ZBTB7A: variants seen among roughly 807,000 people sequenced by gnomAD.
The protein encoded by ZBTB7A is zinc finger and BTB domain containing 7A.
A neutral mutation model predicts 26.7 loss-of-function variants in ZBTB7A; 7 were observed. The ratio of observed to expected loss-of-function variants is 0.26; its 90% CI spans 0.15 to 0.49. The LOEUF is 0.49. Among genes scored for constraint, ZBTB7A ranks in the 20% least tolerant of loss-of-function variants. The pLI is 0.98. For missense variants in ZBTB7A, 617 were observed against 919.5 expected (o/e 0.67, Z 4.25); for synonymous variants, 452 against 441.0 (o/e 1.02, Z -0.31).
intron 1 of ZBTB7A, among the ~76,000 whole-genome samples, chr19:4,057,288 C>T (rs1022561572): frequency 4.7e-5 from 7 of 149,408 alleles, no homozygotes; most frequent in Non-Finnish European, 7.4e-5. Context: ...GCGGGGGTTG[C>T]GGTGAGATTG....
chr19:4,053,649 G>A (rs1169271875), intron 2 of ZBTB7A, among the ~76,000 whole-genome samples: 6 of 151,440 alleles, frequency 4.0e-5, no homozygotes, highest in East Asian at 1.9e-4. Context: ...GCATGTGTCT[G>A]TGTAGCATGT....
intron 1 of ZBTB7A, among the ~76,000 whole-genome samples, chr19:4,056,011 T>C (rs1361675956): frequency 6.6e-6 from 1 of 152,032 alleles, no homozygotes; most frequent in African/African-American, 2.4e-5. Context: ...TGCAGTCAAA[T>C]GTCCTATCCT....
intron 1 of ZBTB7A, among the ~76,000 whole-genome samples, chr19:4,064,195 C>T (rs1036556544): frequency 6.6e-6 from 1 of 152,248 alleles, no homozygotes; most frequent in Non-Finnish European, 1.5e-5. Flanking sequence ...CAGGTGCTGA[C>T]TGGCCGCCAC....
chr19:4,055,332 G>T, intron 1 of ZBTB7A, 85 bp from the exon 2 acceptor site: 1 of 1,418,274 alleles, frequency 7.1e-7, no homozygotes, highest in Non-Finnish European at 9.2e-7. Flanking sequence ...AGGCCCTTGA[G>T]AAGCAGCGTT....
rs1599242735 is a variant in ZBTB7A, at chr19:4,044,625, C to T, written c.*3127G>A. 1 of 150,634 alleles carries T rather than the reference C, an allele frequency of 6.6e-6. No homozygotes were observed. The allele number at this position is 150,634 out of a possible 1,614,324, so 9.3% of individuals were successfully genotyped here. ...TTGCACACACGCACACACGCGTCCA[C>T]GCAACTTCACCATGAGAATGGAAAT... On this transcript the variant is annotated 3_prime_UTR_variant, in exon 3 of 3. Transcript: ENST00000322357.
chr19:4,047,694 T>A lies in ZBTB7A; in HGVS notation c.*58A>T. 1 of 1,542,580 alleles carries A rather than the reference T, an allele frequency of 6.5e-7. No individual in the cohort carries two copies. Among genetic ancestry groups the A allele is most frequent in the South Asian group, 1.2e-5 (1 of 80,956 alleles). Reference sequence around the variant, plus strand: ...TGTTTTTGGGGGGGTGGTGGGTGATTTTTTTTCTCTCTCTCTGTCTCTCTC... The same window carrying A: ...TGTTTTTGGGGGGGTGGTGGGTGATATTTTTTCTCTCTCTCTGTCTCTCTC... On this transcript the variant is annotated 3_prime_UTR_variant, in exon 3 of 3. Coordinates refer to ENST00000322357, the MANE Select transcript of ZBTB7A (RefSeq NM_015898.4).
At chr19:4,057,481 C>A (rs1247132630) in intron 1 of ZBTB7A, among the ~76,000 whole-genome samples, 1 of 152,152 alleles carries the variant, frequency 6.6e-6, no homozygotes, top group Non-Finnish European at 1.5e-5. Context: ...GGAGGCCACG[C>A]AGTGACCTTT....
At chr19:4,060,774 C>T (rs1364703566) in intron 1 of ZBTB7A, among the ~76,000 whole-genome samples, 5 of 152,218 alleles carry the variant, frequency 3.3e-5, no homozygotes, top group South Asian at 2.1e-4. Context: ...CAAGGTCACA[C>T]GACAAGGTGA....
chr19:4,065,650 G>A (rs938187400), intron 1 of ZBTB7A: 3 of 140,998 alleles, frequency 2.1e-5, no homozygotes, highest in Non-Finnish European at 4.7e-5. Flanking sequence ...GCCCGGGCCC[G>A]GCCTGCGCTA....
intron 1 of ZBTB7A, among the ~76,000 whole-genome samples, chr19:4,066,378 C>T (rs1444350842): frequency 6.6e-6 from 1 of 150,698 alleles, no homozygotes; most frequent in Non-Finnish European, 1.5e-5. Flanking sequence ...GCTTCCCCTC[C>T]CCCGCTCCCC....
chr19:4,060,376 C>T (rs901117370), intron 1 of ZBTB7A, among the ~76,000 whole-genome samples: 1 of 152,228 alleles, frequency 6.6e-6, no homozygotes, highest in Admixed American at 6.5e-5. Context: ...GGGTCACTTG[C>T]TGTAGTGTTT....
intron 2 of ZBTB7A, among the ~76,000 whole-genome samples, chr19:4,053,506 TGC>T (rs2040527448): frequency 2.8e-5 from 1 of 35,206 alleles, no homozygotes; most frequent in Admixed American, 4.0e-4. Flanking sequence ...TGCCTGGGTG[TGC>T]GTGTGTGCGT....
intron 1 of ZBTB7A, among the ~76,000 whole-genome samples, chr19:4,058,723 G>A (rs531248491): frequency 8.5e-4 from 130 of 152,192 alleles, no homozygotes; most frequent in Non-Finnish European, 1.5e-3. Context: ...CTCTGACGCC[G>A]ACGGGCTTGA....
chr19:4,046,001 C>T lies in ZBTB7A; in HGVS notation c.*1751G>A. ...CATCCAAGGTCCAGCTCCTTGGTGG[C>T]CATGCGGGAGGGACAGGCGTGTTGG... On this transcript the variant is annotated 3_prime_UTR_variant, in exon 3 of 3. Coordinates refer to ENST00000322357, the MANE Select transcript of ZBTB7A (RefSeq NM_015898.4). 2.5e-6 allele frequency: 1 copy of T among 398,910 alleles called. No individual in the cohort carries two copies. Among genetic ancestry groups the T allele is most frequent in the Non-Finnish European group, 4.4e-6 (1 of 226,052 alleles). The allele number at this position is 398,910 out of a possible 1,614,324, so 24.7% of individuals were successfully genotyped here.
In ZBTB7A at chr19:4,046,926, G is replaced by A. The variant is rs1053437678; in HGVS notation, c.*826C>T. 4 of 151,608 alleles carry A rather than the reference G, an allele frequency of 2.6e-5. No individual in the cohort carries two copies. Among genetic ancestry groups the A allele is most frequent in the African/African-American group, 9.7e-5 (4 of 41,288 alleles). The allele number at this position is 151,608 out of a possible 1,614,324, so 9.4% of individuals were successfully genotyped here. A position where few individuals can be genotyped will look rare whatever the true frequency, so the allele number is the denominator to read the frequency against. On this transcript the variant is annotated 3_prime_UTR_variant, in exon 3 of 3. Coordinates refer to ENST00000322357, the MANE Select transcript of ZBTB7A (RefSeq NM_015898.4). ...AAACGTGGGGGTCTAGGTGGACCGG[G>A]CGGGGGTGGGGGGGCGCCCTGAGGG...
rs1250839078 is a variant in ZBTB7A, at chr19:4,047,174, A to C, written c.*578T>G. 3 of 152,056 alleles carry C rather than the reference A, an allele frequency of 2.0e-5. No individual in the cohort carries two copies. The highest frequency in any genetic ancestry group is 7.3e-5 in the African/African-American group (3 of 41,338). 9.4% of individuals were successfully genotyped at this position (152,056 alleles called of 1,614,324 possible). On this transcript the variant is annotated 3_prime_UTR_variant, in exon 3 of 3. Transcript: ENST00000322357. The stretch of plus-strand genomic sequence containing the variant: ...CGGGGAGGCCACTGGGGAGATGGAG[A>C]GGGAGACCCCTCCCTTAGTAAGTGC...
chr19:4,058,080 G>A (rs1300776747), intron 1 of ZBTB7A, among the ~76,000 whole-genome samples: 1 of 152,196 alleles, frequency 6.6e-6, no homozygotes, highest in East Asian at 1.9e-4. Flanking sequence ...AAACCCAGCT[G>A]AGGTCAAGGC....
chr19:4,051,592 C>T (rs1466666962), intron 2 of ZBTB7A, among the ~76,000 whole-genome samples: 5 of 152,248 alleles, frequency 3.3e-5, no homozygotes, highest in African/African-American at 7.2e-5. Flanking sequence ...GCCAACAGAA[C>T]GTGGTAACTT....
chr19:4,047,854 G>A lies in ZBTB7A; in HGVS notation c.1653C>T (p.Asp551=). The change falls in exon 3 of 3, where the codon GAC becomes GAT. Residue 551 remains aspartate (D), a synonymous_variant. Transcript: ENST00000322357. Reference sequence around the variant, plus strand: ...CCGCTACATTCAACCGGCCCAAGCCGTCGGGGCTGGCCACGTCCTCGTCCT... The same window carrying A: ...CCGCTACATTCAACCGGCCCAAGCCATCGGGGCTGGCCACGTCCTCGTCCT... ...EDEDEDVASP[D]GLGRLNVAGA... 2.5e-6 allele frequency: 4 copies of A among 1,605,080 alleles called. No individual in the cohort carries two copies. Among genetic ancestry groups the A allele is most frequent in the East Asian group, 2.3e-5 (1 of 43,980 alleles).
Sources: gnomAD v4.1 joint callset for allele counts (sites outside exome capture counted in the v4.1 genomes callset) on GRCh38, gnomAD v4.1.1 for gene constraint, MANE v1.5 for transcripts, NCBI Gene and HGNC (gene_info 2026-07-23, HGNC 2026-07-21) for gene names.